Variants in RNF19B observed in about 807,000 individuals in gnomAD.
RNF19B encodes the protein ring finger protein 19B.
Under a neutral mutation model 65.5 loss-of-function variants are expected in RNF19B, and 23 were observed. The ratio of observed to expected loss-of-function variants is 0.35; its 90% CI spans 0.25 to 0.50. RNF19B has a LOEUF of 0.50. RNF19B is among the 20% of genes least tolerant of loss of function. RNF19B has a pLI of 0.98. For missense variants in RNF19B, 794 were observed against 980.0 expected (o/e 0.81, Z 2.53); for synonymous variants, 372 against 379.6 (o/e 0.98, Z 0.23).
intron 8 of RNF19B, 85 bp from the exon 9 acceptor site, chr1:32,937,344 G>C (rs576528478): frequency 1.5e-4 from 244 of 1,599,510 alleles, no homozygotes; most frequent in East Asian, 4.7e-4. Context: ...TTCAGGATTA[G>C]GAATTTCAAA....
At chr1:32,946,588 T>C (rs951474991) in intron 3 of RNF19B, 24 bp from the exon 4 acceptor site, 4 of 1,606,792 alleles carry the variant, frequency 2.5e-6, no homozygotes, top group Non-Finnish European at 3.4e-6. Flanking sequence ...AGACTGAAGT[T>C]AATGTCAACA....
chr1:32,955,411 T>C (rs770508427), intron 1 of RNF19B, among the ~76,000 whole-genome samples: 11 of 151,882 alleles, frequency 7.2e-5, no homozygotes, highest in Non-Finnish European at 1.3e-4. Flanking sequence ...CTGAATACGG[T>C]AATCTTCTTC....
In RNF19B at chr1:32,936,944, G is replaced by T. The variant is rs1171257963; in HGVS notation, c.2058C>A (p.Ser686=). The stretch of plus-strand genomic sequence containing the variant: ...GGCAGGCTGCAGTATGGGAGCGGGG[G>T]GAGCCACACTCATCTGAGGTGATGT... ...VPDITSDECG[S]PRSHTAACPS... Residue 686 remains serine, a synonymous_variant, in exon 9 of 9, where the codon TCC becomes TCA. Transcript: ENST00000235150. 1.2e-6 allele frequency: 2 copies of T among 1,614,056 alleles called. No homozygotes were observed. Among genetic ancestry groups the T allele is most frequent in the East Asian group, 2.2e-5 (1 of 44,882 alleles).
At chr1:32,957,432 A>G (rs867736155) in intron 1 of RNF19B, among the ~76,000 whole-genome samples, 12 of 152,196 alleles carry the variant, frequency 7.9e-5, no homozygotes, top group Admixed American at 4.6e-4. Flanking sequence ...CTATGTATCA[A>G]TTATCTGTCT....
chr1:32,949,670 G>A lies in RNF19B; in HGVS notation c.740C>T (p.Pro247Leu). Reference sequence around the variant, plus strand: ...ACGGGCCATATCGCATGTCTGATTTGGATGCCATATCTGCTTGCAGTGGTA... The same window carrying A: ...ACGGGCCATATCGCATGTCTGATTTAGATGCCATATCTGCTTGCAGTGGTA... ...FCYHCKQIWH[P>L]NQTCDMARQQ... Residue 247 changes from proline (P) to leucine (L), a missense_variant, in exon 2 of 9, where the codon CCA becomes CTA. By Grantham distance (98) the Pro-to-Leu change is moderately conservative. Transcript: ENST00000235150. The A allele has an allele frequency of 6.2e-7, 1 of 1,613,850 alleles. No individual in the cohort carries two copies. The highest frequency in any genetic ancestry group is 8.5e-7 in the Non-Finnish European group (1 of 1,179,986).
intron 1 of RNF19B, among the ~76,000 whole-genome samples, chr1:32,954,672 A>G (rs1642592275): frequency 6.7e-6 from 1 of 150,262 alleles, no homozygotes; most frequent in Non-Finnish European, 1.5e-5. Context: ...TGGGAGGCGG[A>G]GGTTGCAGTG....
chr1:32,931,044 C>T, the RNF19B span, among the ~76,000 whole-genome samples: 4 of 151,852 alleles, frequency 2.6e-5, no homozygotes, highest in East Asian at 1.9e-4. Context: ...GCCGAGATTG[C>T]GCCTCTGCAC....
chr1:32,953,094 C>T lies in RNF19B; in HGVS notation c.636-3320G>A, dbSNP rs557904217. Among the ~76,000 whole-genome samples the T allele has an allele frequency of 3.2e-4, 48 of 150,998 alleles. 1 individual carries two copies. The highest frequency in any genetic ancestry group is 5.3e-4 in the Admixed American group (8 of 15,056). On this transcript the variant is annotated intron_variant, in intron 1 of 8. Transcript: ENST00000235150. ...TGATCCCACCTCAGGCCTCCAAGTA[C>T]CAGTGCATACCACCATGCCCAGCTA...
At chr1:32,953,901 C>CTTTTT (rs1180002582) in intron 1 of RNF19B, among the ~76,000 whole-genome samples, 69 of 84,182 alleles carry the variant, frequency 8.2e-4, no homozygotes, top group Admixed American at 1.0e-3. Context: ...GCCCCCACTT[C>CTTTTT]TTTTTTTTTT....
At position 32,946,438 on chromosome 1, in the gene RNF19B, G is replaced by A; in HGVS notation, c.1110C>T (p.Ala370=). The stretch of plus-strand genomic sequence containing the variant: ...CATAAACAGGAATGCCAATGACCAT[G>A]GCAGGAATGGCAATGCCAGCAATGA... ...ISLIAGIAIP[A]MVIGIPVYVG... is the part of the protein sequence containing the mutation. The change falls in exon 4 of 9, where the codon GCC becomes GCT. Residue 370 remains alanine, a synonymous_variant. Coordinates refer to ENST00000235150, the MANE Select transcript of RNF19B (RefSeq NM_001300826.2). 6.2e-7 allele frequency: 1 copy of A among 1,613,972 alleles called. No homozygotes were observed. The highest frequency in any genetic ancestry group is 8.5e-7 in the Non-Finnish European group (1 of 1,179,902).
the RNF19B span, among the ~76,000 whole-genome samples, chr1:32,929,106 G>C: frequency 6.6e-6 from 1 of 152,132 alleles, no homozygotes; most frequent in Non-Finnish European, 1.5e-5. Flanking sequence ...GGCAGAATTG[G>C]TTCCTTCCGC....
At chr1:32,941,872 C>A (rs922383215) in intron 7 of RNF19B, among the ~76,000 whole-genome samples, 1 of 151,336 alleles carries the variant, frequency 6.6e-6, no homozygotes, top group Non-Finnish European at 1.5e-5. Context: ...CCAAGGCGGG[C>A]GGATCACGAG....
chr1:32,940,617 C>T (rs929028317), intron 7 of RNF19B, among the ~76,000 whole-genome samples: 1 of 152,150 alleles, frequency 6.6e-6, no homozygotes, highest in African/African-American at 2.4e-5. Context: ...TGGTATGAGG[C>T]ATAGAAGTCT....
chr1:32,936,137 G>C (rs992673850), downstream of RNF19B, among the ~76,000 whole-genome samples: 1 of 152,100 alleles, frequency 6.6e-6, no homozygotes, highest in African/African-American at 2.4e-5. Context: ...TGCAGAAAAG[G>C]GCAAAGTTTT....
Position 32,938,533 on chromosome 1 carries a change from G to A in RNF19B, c.1611-5C>T. The A allele has an allele frequency of 1.2e-5, 19 of 1,613,590 alleles. No homozygotes were observed. The highest frequency in any genetic ancestry group is 1.5e-5 in the Non-Finnish European group (18 of 1,179,596). ...ACATCGGCTTGAACTTCTAACCTGT[G>A]TAAAGAGGGGACGTTCAAGTTAATA... On this transcript the variant is annotated splice_polypyrimidine_tract_variant and splice_region_variant and intron_variant, in intron 7 of 8. Coordinates refer to ENST00000235150, the MANE Select transcript of RNF19B (RefSeq NM_001300826.2).
chr1:32,950,570 G>A (rs183698576), intron 1 of RNF19B, among the ~76,000 whole-genome samples: 1,540 of 149,858 alleles, frequency 0.01, 14 homozygotes, highest in Non-Finnish European at 0.014. Context: ...TTTTTTTTGA[G>A]ATGGGGTCTC....
chr1:32,942,539 C>T, intron 6 of RNF19B, 80 bp from the exon 7 acceptor site: 3 of 1,181,352 alleles, frequency 2.5e-6, no homozygotes, highest in Non-Finnish European at 3.7e-6. Flanking sequence ...AATGACTTTT[C>T]AGAGAACTAA....
intron 1 of RNF19B, among the ~76,000 whole-genome samples, chr1:32,963,086 C>G (rs753376612): frequency 1.3e-5 from 2 of 152,094 alleles, no homozygotes; most frequent in Non-Finnish European, 2.9e-5. Flanking sequence ...CCTATCACAC[C>G]AACCTCTGGG....
chr1:32,930,394 G>A, the RNF19B span, among the ~76,000 whole-genome samples: 1 of 145,186 alleles, frequency 6.9e-6, no homozygotes, highest in African/African-American at 2.5e-5. Flanking sequence ...ACAGGTATGA[G>A]CCACCATGCC....
Sources: allele counts gnomAD v4.1 joint callset (sites outside exome capture counted in the v4.1 genomes callset), GRCh38; gene constraint gnomAD v4.1.1; transcripts MANE v1.5; gene names NCBI Gene and HGNC (gene_info 2026-07-23, HGNC 2026-07-21).